The following HIVEP2 variants were observed in gnomAD, a reference collection of about 807,000 sequenced individuals.
The protein encoded by HIVEP2 is HIVEP zinc finger 2.
In HIVEP2, 14 loss-of-function variants were observed where a neutral mutation model predicts 180.7. That is an observed-to-expected ratio of 0.08 (90% confidence interval 0.05 to 0.12). The LOEUF (loss-of-function observed/expected upper bound fraction) is 0.12. Ranked by LOEUF, HIVEP2 falls within the 10% of genes least tolerant of loss-of-function variation. HIVEP2 has a pLI of 1.00. For missense variants in HIVEP2, 2,579 were observed against 3,008.5 expected (o/e 0.86, Z 3.34); for synonymous variants, 1,184 against 1,136.4 (o/e 1.04, Z -0.84).
chr6:142,939,307 A>G (rs1388890454), intron 1 of HIVEP2, among the ~76,000 whole-genome samples: 5 of 149,628 alleles, frequency 3.3e-5, no homozygotes, highest in African/African-American at 1.2e-4. Context: ...TATTTTGGCA[A>G]TCTAACTGTC....
intron 1 of HIVEP2, among the ~76,000 whole-genome samples, chr6:142,844,107 A>G (rs1431822651): frequency 6.6e-6 from 1 of 152,114 alleles, no homozygotes; most frequent in East Asian, 1.9e-4. Context: ...CTGGCTGACA[A>G]TGGGAAGAAA....
At chr6:142,755,977 T>C (rs760762788) in intron 9 of HIVEP2, among the ~76,000 whole-genome samples, 77 of 152,376 alleles carry the variant, frequency 5.1e-4, no homozygotes, top group Admixed American at 8.5e-4. Context: ...TATTGTTTTG[T>C]AATTTGGGCC....
chr6:142,915,599 C>G (rs1424295650), intron 1 of HIVEP2, among the ~76,000 whole-genome samples: 2 of 152,182 alleles, frequency 1.3e-5, no homozygotes, highest in East Asian at 3.8e-4. Flanking sequence ...TTGCACCTCT[C>G]CTCACATAGA....
chr6:142,887,417 T>C (rs1186310461), intron 1 of HIVEP2, among the ~76,000 whole-genome samples: 1 of 152,214 alleles, frequency 6.6e-6, no homozygotes, highest in Non-Finnish European at 1.5e-5. Flanking sequence ...GAAATGATCA[T>C]GTTTCACCCT....
At chr6:142,793,767 C>T (rs558409198) in intron 2 of HIVEP2, among the ~76,000 whole-genome samples, 2 of 151,140 alleles carry the variant, frequency 1.3e-5, no homozygotes, top group South Asian at 2.1e-4. Flanking sequence ...AAAGTGCCTC[C>T]CTCTGCCTTC....
At chr6:142,857,319 G>A (rs1165771028) in intron 1 of HIVEP2, among the ~76,000 whole-genome samples, 2 of 151,962 alleles carry the variant, frequency 1.3e-5, no homozygotes, top group Non-Finnish European at 2.9e-5. Context: ...ATAAGCTATT[G>A]TATAGCCCCT....
intron 3 of HIVEP2, among the ~76,000 whole-genome samples, chr6:142,779,762 C>T (rs1024108766): frequency 6.6e-6 from 1 of 151,914 alleles, no homozygotes; most frequent in East Asian, 1.9e-4. Context: ...GAGGTAATAC[C>T]TTTATAAATC....
At chr6:142,874,694 A>C (rs1671882215) in intron 1 of HIVEP2, among the ~76,000 whole-genome samples, 1 of 152,174 alleles carries the variant, frequency 6.6e-6, no homozygotes, top group Non-Finnish European at 1.5e-5. Flanking sequence ...AAGGACCAAA[A>C]AGAAGGACAC....
chr6:142,791,122 G>C lies in HIVEP2; in HGVS notation c.-527-7507C>G, dbSNP rs187515217. 5.7e-3 allele frequency among the ~76,000 whole-genome samples: 870 copies of C among 152,218 alleles called. 2 individuals are homozygous for C. The highest frequency in any genetic ancestry group is 0.022 in the South Asian group (105 of 4,824). ...GGAAATTGGTCTGTGTGCCTGTGTA[G>C]AGATATACAACCTCAGGAAACCAAA... On this transcript the variant is annotated intron_variant, in intron 2 of 9. Coordinates refer to ENST00000367603, the MANE Select transcript of HIVEP2 (RefSeq NM_006734.4).
At position 142,771,141 on chromosome 6, in the gene HIVEP2, G is replaced by C. The variant is rs1437394017; in HGVS notation, c.3598C>G (p.Pro1200Ala). Reference sequence around the variant, plus strand: ...AACTGAAACAAGGCATTCTGGATTGGAGAAAATGGAATTGTCTCTTGATGT... The same window carrying C: ...AACTGAAACAAGGCATTCTGGATTGCAGAAAATGGAATTGTCTCTTGATGT... ...FPHQETIPFS[P>A]IQNALFQFQY... Residue 1200 changes from proline to alanine, a missense_variant, in exon 5 of 10, where the codon CCA becomes GCA. This residue lies in a region of HIVEP2 where 523 missense variants were observed against 577.0 expected (regional missense o/e 0.91). Coordinates refer to ENST00000367603, the MANE Select transcript of HIVEP2 (RefSeq NM_006734.4). This position sits in a 1 kb window ranked among gnomAD's most constrained non-coding sequence, Gnocchi z 5.4. 6 of 1,614,208 alleles carry C rather than the reference G, an allele frequency of 3.7e-6. No homozygotes were observed.
In HIVEP2 at chr6:142,825,104, G is replaced by A. The variant is rs868228377; in HGVS notation, c.-528+11831C>T. On this transcript the variant is annotated intron_variant, in intron 2 of 9. Transcript: ENST00000367603. ...ATGAGCACAATGAACATTTTCCATG[G>A]AGCCTGCCCTTCACACTTAGAAGCT... 2.6e-5 allele frequency among the ~76,000 whole-genome samples: 4 copies of A among 152,186 alleles called. 1 individual carries two copies. The Middle Eastern group carries it at 0.014, about 518-fold the overall frequency.
chr6:142,754,550 G>C (rs1333686166), intron 9 of HIVEP2, among the ~76,000 whole-genome samples: 2 of 152,174 alleles, frequency 1.3e-5, no homozygotes, highest in Admixed American at 1.3e-4. Context: ...CCTGCTAAGA[G>C]ATACTCAATG....
In HIVEP2 at chr6:142,769,594, G is replaced by A. The variant is rs753009520; in HGVS notation, c.5145C>T (p.Thr1715=). The A allele has an allele frequency of 3.2e-5, 51 of 1,613,994 alleles. No homozygotes were observed. In the East Asian group the frequency reaches 7.3e-4, roughly 23 times the overall value. The part of the protein sequence containing the change: ...YTLAAMHRPG[T]GKLTSSSAWK... ...AAGCACTTGATGATGTAAGCTTGCC[G>A]GTTCCAGGCCTATGCATAGCAGCCA... Residue 1715 remains threonine (T), a synonymous_variant, in exon 5 of 10, where the codon ACC becomes ACT. Transcript: ENST00000367603.
chr6:142,858,932 C>T (rs547456765), intron 1 of HIVEP2, among the ~76,000 whole-genome samples: 2 of 152,240 alleles, frequency 1.3e-5, no homozygotes, highest in South Asian at 2.1e-4. Context: ...TCTGGAAACC[C>T]TCATTTACTA....
At chr6:142,810,056 G>A (rs576760) in intron 2 of HIVEP2, among the ~76,000 whole-genome samples, 129,820 of 152,198 alleles carry the variant, frequency 0.85, 55,996 homozygotes, top group African/African-American at 0.95. Context: ...TTGTTCTCTT[G>A]AATAAGTCAC....
intron 2 of HIVEP2, among the ~76,000 whole-genome samples, chr6:142,813,608 T>C (rs1776753334): frequency 6.7e-6 from 1 of 149,538 alleles, no homozygotes; most frequent in Non-Finnish European, 1.5e-5. Context: ...ATGATCTTGC[T>C]CTGTCACCCA....
intron 9 of HIVEP2, among the ~76,000 whole-genome samples, chr6:142,755,666 A>G (rs1775046454): frequency 6.6e-6 from 1 of 152,172 alleles, no homozygotes; most frequent in Non-Finnish European, 1.5e-5. Flanking sequence ...AGATCCCCAA[A>G]TCCAGGCTGA....
chr6:142,832,685 A>G (rs925742371), intron 2 of HIVEP2, among the ~76,000 whole-genome samples: 5 of 152,236 alleles, frequency 3.3e-5, no homozygotes, highest in African/African-American at 7.2e-5. Flanking sequence ...CCAATATCCA[A>G]TTAAAGGATT....
intron 1 of HIVEP2, among the ~76,000 whole-genome samples, chr6:142,937,818 A>G (rs991867305): frequency 6.6e-6 from 1 of 152,212 alleles, no homozygotes; most frequent in Non-Finnish European, 1.5e-5. Context: ...AAGTATACAC[A>G]TCAAGATAAA....
Sources: allele counts gnomAD v4.1 joint callset (sites outside exome capture counted in the v4.1 genomes callset), GRCh38; gene constraint gnomAD v4.1.1; regional missense constraint gnomAD v4.1.1; non-coding constraint Gnocchi (gnomAD v3.1); transcripts MANE v1.5; gene names NCBI Gene and HGNC (gene_info 2026-07-23, HGNC 2026-07-21).